The following SLA2 variants were observed in gnomAD, a reference collection of about 807,000 sequenced individuals.
The protein encoded by SLA2 is Src like adaptor 2.
In SLA2, 22 loss-of-function variants were observed where a neutral mutation model predicts 27.3. That is an observed-to-expected ratio of 0.81 (90% CI 0.58 to 1.15). SLA2 has a LOEUF of 1.15. Ranked by LOEUF, SLA2 falls within the 50% of genes most tolerant of loss-of-function variation. The probability of loss-of-function intolerance (pLI) is 0.00; values close to 1 mark genes in which losing one functional copy is unlikely to be tolerated. For synonymous variants in SLA2, 131 were observed against 137.8 expected (o/e 0.95, Z 0.34); for missense variants, 304 against 322.2 (o/e 0.94, Z 0.43).
chr20:36,620,157 G>A (rs1354142187), intron 5 of SLA2, among the ~76,000 whole-genome samples: 4 of 150,716 alleles, frequency 2.7e-5, no homozygotes, highest in Non-Finnish European at 4.4e-5. Flanking sequence ...TTGGGAGGCC[G>A]AGGCGGGCAG....
rs1354973968 is a variant in SLA2 at position 36,615,223 on chromosome 20, A to G, written c.532+2T>C. 6.2e-7 allele frequency: 1 copy of G among 1,613,978 alleles called. No homozygotes were observed. The highest frequency in any genetic ancestry group is 1.3e-5 in the African/African-American group (1 of 74,924). ...AGTCCTGGAGGCAGGGAAAGGCCAT[A>G]CCAGAGTAATGGTCCACCAGGGCCT... is the stretch of plus-strand genomic sequence containing the variant. On this transcript the variant is annotated splice_donor_variant, in intron 6 of 7. Coordinates refer to ENST00000262866, the MANE Select transcript of SLA2 (RefSeq NM_032214.4). LOFTEE classifies it high-confidence loss of function.
chr20:36,632,755 C>G, intron 4 of SLA2, 57 bp from the exon 5 acceptor site: 1 of 1,448,408 alleles, frequency 6.9e-7, no homozygotes, highest in Non-Finnish European at 9.6e-7. Context: ...AAGAGGGAAG[C>G]CAAGATTTTA....
At position 36,613,733 on chromosome 20, in the gene SLA2, T is replaced by G; in HGVS notation, c.*133A>C. 1 of 1,112,438 alleles carries G rather than the reference T, an allele frequency of 9.0e-7. No individual in the cohort carries two copies. The highest frequency in any genetic ancestry group is 1.3e-6 in the Non-Finnish European group (1 of 785,252). 68.9% of individuals were successfully genotyped at this position (1,112,438 alleles called of 1,614,324 possible). On this transcript the variant is annotated 3_prime_UTR_variant, in exon 8 of 8. Transcript: ENST00000262866. ...AGAGAGGAAAGAGCAAGGGTACAGGTGGGACCCTAGATGCACCTCTGTGTC... is the reference window on the plus strand; with the variant it reads ...AGAGAGGAAAGAGCAAGGGTACAGGGGGGACCCTAGATGCACCTCTGTGTC...
chr20:36,622,236 G>A (rs754837299), intron 5 of SLA2, among the ~76,000 whole-genome samples: 1 of 148,546 alleles, frequency 6.7e-6, no homozygotes, highest in Non-Finnish European at 1.5e-5. Flanking sequence ...AATTAGCTGG[G>A]CATGGTGGCA....
intron 5 of SLA2, among the ~76,000 whole-genome samples, chr20:36,624,441 C>CT (rs1343718069): frequency 6.6e-6 from 1 of 152,072 alleles, no homozygotes; most frequent in African/African-American, 2.4e-5. Flanking sequence ...CCTCTTGGCA[C>CT]TTATCACTCT....
At chr20:36,636,542 T>C (rs2039449291) in intron 2 of SLA2, among the ~76,000 whole-genome samples, 1 of 144,120 alleles carries the variant, frequency 6.9e-6, no homozygotes. Context: ...GAGGCGGAGG[T>C]TGCGGTGAGC....
chr20:36,622,086 G>A (rs941869947), intron 5 of SLA2, among the ~76,000 whole-genome samples: 3 of 151,918 alleles, frequency 2.0e-5, no homozygotes, highest in Admixed American at 6.6e-5. Flanking sequence ...TTGGGAAGCC[G>A]AGGCAGGTGG....
At chr20:36,636,314 G>A (rs1383611976) in intron 2 of SLA2, among the ~76,000 whole-genome samples, 77 of 145,816 alleles carry the variant, frequency 5.3e-4, no homozygotes, top group Non-Finnish European at 9.5e-4. Flanking sequence ...CCAGCTACTC[G>A]GGAGGCTGAG....
rs745589075 is a variant in SLA2, at chr20:36,614,030, C to T, written c.666-44G>A. The T allele has an allele frequency of 2.5e-6, 4 of 1,605,810 alleles. No individual in the cohort carries two copies. The East Asian group carries it at 6.8e-5, about 27-fold the overall frequency. ...AATTGGGTCAAGAAGCCTCTTCCTC[C>T]TCCCTGTACTCACTACACACAAAAT... On this transcript the variant is annotated intron_variant, in intron 7 of 7. Coordinates refer to ENST00000262866, the MANE Select transcript of SLA2 (RefSeq NM_032214.4).
intron 1 of SLA2, among the ~76,000 whole-genome samples, chr20:36,641,585 C>G (rs112937521): frequency 0.028 from 4,233 of 152,194 alleles, 81 homozygotes; most frequent in Non-Finnish European, 0.041. Context: ...CTTTTTTATG[C>G]CACAACAGGC....
At chr20:36,615,454 C>A in intron 5 of SLA2, 80 bp from the exon 6 acceptor site, 1 of 1,579,760 alleles carries the variant, frequency 6.3e-7, no homozygotes, top group Non-Finnish European at 8.6e-7. Flanking sequence ...CGAAGATAGG[C>A]AACGTGACCA....
intron 5 of SLA2, among the ~76,000 whole-genome samples, chr20:36,630,528 C>T (rs1475868960): frequency 6.6e-6 from 1 of 152,134 alleles, no homozygotes; most frequent in African/African-American, 2.4e-5. Flanking sequence ...TCTTGGGGGC[C>T]TGGAGTGAGA....
chr20:36,619,796 A>AT (rs59590840), intron 5 of SLA2, among the ~76,000 whole-genome samples: 13 of 149,136 alleles, frequency 8.7e-5, no homozygotes, highest in East Asian at 6.4e-4. Flanking sequence ...ACACGTGGCT[A>AT]TTTTTTTTTG....
chr20:36,620,794 T>A (rs1443486191), intron 5 of SLA2: 1 of 174,846 alleles, frequency 5.7e-6, no homozygotes, highest in Non-Finnish European at 1.2e-5. Context: ...GGTCTCGAAC[T>A]CCTGACCTCG....
At position 36,615,592 on chromosome 20, in the gene SLA2, C is replaced by T. The variant is rs1214701191; in HGVS notation, c.383-218G>A. Among the ~76,000 whole-genome samples, 8 of 152,116 alleles carry T rather than the reference C, an allele frequency of 5.3e-5. No homozygotes were observed. In the East Asian group the frequency reaches 1.5e-3, roughly 29 times the overall value. ...GTGAAATCAAATCACACACAGAGCCCTCAGTACAGGGTCTGGCACTGTGTG... is the reference window on the plus strand; with the variant it reads ...GTGAAATCAAATCACACACAGAGCCTTCAGTACAGGGTCTGGCACTGTGTG... On this transcript the variant is annotated intron_variant, in intron 5 of 7. Coordinates refer to ENST00000262866, the MANE Select transcript of SLA2 (RefSeq NM_032214.4).
intron 5 of SLA2, among the ~76,000 whole-genome samples, chr20:36,625,216 ATTTTTTTTTT>A (rs71186005): frequency 1.1e-4 from 9 of 78,498 alleles, no homozygotes; most frequent in Non-Finnish European, 2.1e-4. Context: ...ACGTACCCTG[ATTTTTTTTTT>A]TTTTTTTTTT....
chr20:36,639,257 G>A (rs755697678), intron 2 of SLA2, among the ~76,000 whole-genome samples: 1 of 152,186 alleles, frequency 6.6e-6, no homozygotes, highest in Non-Finnish European at 1.5e-5. Flanking sequence ...CGTCCTTTGA[G>A]GAAGAGGGAA....
chr20:36,638,792 C>CG (rs2039478393), intron 2 of SLA2, among the ~76,000 whole-genome samples: 1 of 152,222 alleles, frequency 6.6e-6, no homozygotes, highest in African/African-American at 2.4e-5. Flanking sequence ...GGCTAGGCCA[C>CG]ACAACCCAGA....
intron 4 of SLA2, among the ~76,000 whole-genome samples, chr20:36,632,974 G>T (rs2039407482): frequency 6.6e-6 from 1 of 152,078 alleles, no homozygotes; most frequent in Non-Finnish European, 1.5e-5. Flanking sequence ...AACCTGGGTT[G>T]GTCCCAGCCT....
Sources: gnomAD v4.1 joint callset for allele counts (sites outside exome capture counted in the v4.1 genomes callset) on GRCh38, gnomAD v4.1.1 for gene constraint, MANE v1.5 for transcripts, NCBI Gene and HGNC (gene_info 2026-07-23, HGNC 2026-07-21) for gene names.